Variants in KCNT2 observed in about 807,000 individuals in gnomAD.
The protein encoded by KCNT2 is potassium sodium-activated channel subfamily T member 2.
KCNT2 carries 67 observed loss-of-function variants against 153.8 expected under a neutral mutation model. The observed-to-expected ratio is 0.44, with a 90% confidence interval of 0.36 to 0.53. The LOEUF (loss-of-function observed/expected upper bound fraction) is 0.53, where lower values mean the gene tolerates loss of function less well. Ranked by LOEUF, KCNT2 falls within the 20% of genes least tolerant of loss-of-function variation. The pLI is 0.00. For missense variants in KCNT2, 975 were observed against 1,354.8 expected (o/e 0.72, Z 4.40); for synonymous variants, 500 against 458.8 (o/e 1.09, Z -1.15).
At chr1:196,395,448 C>T (rs982950089) in intron 13 of KCNT2, among the ~76,000 whole-genome samples, 4 of 151,564 alleles carry the variant, frequency 2.6e-5, no homozygotes, top group African/African-American at 9.7e-5. Context: ...CGAATAGGCA[C>T]TCAAGATATA....
chr1:196,353,797 T>C (rs1337339396), intron 14 of KCNT2, among the ~76,000 whole-genome samples: 2 of 151,992 alleles, frequency 1.3e-5, no homozygotes, highest in Non-Finnish European at 2.9e-5. Flanking sequence ...TGTATTTCAA[T>C]ACAGACCTCT....
At chr1:196,250,881 T>C (rs886529790) in intron 26 of KCNT2, among the ~76,000 whole-genome samples, 4 of 152,048 alleles carry the variant, frequency 2.6e-5, no homozygotes, top group African/African-American at 7.2e-5. Flanking sequence ...TTCCTCAATG[T>C]CACTGATCAT....
At chr1:196,246,361 T>C (rs1194805713) in intron 26 of KCNT2, among the ~76,000 whole-genome samples, 1 of 152,162 alleles carries the variant, frequency 6.6e-6, no homozygotes, top group African/African-American at 2.4e-5. Context: ...AGACCTGCTA[T>C]AAGAAATGCT....
chr1:196,401,972 T>A (rs1181011816), intron 12 of KCNT2, among the ~76,000 whole-genome samples: 2 of 151,284 alleles, frequency 1.3e-5, no homozygotes, highest in East Asian at 3.9e-4. Context: ...AGGACTCTCA[T>A]CAAAAATCCT....
intron 1 of KCNT2, among the ~76,000 whole-genome samples, chr1:196,555,778 T>C (rs1658565455): frequency 6.6e-6 from 1 of 151,244 alleles, no homozygotes; most frequent in East Asian, 1.9e-4. Context: ...CAAAACAGCA[T>C]GGTAGGTACT....
At chr1:196,431,159 C>A (rs1674116478) in intron 8 of KCNT2, among the ~76,000 whole-genome samples, 1 of 152,124 alleles carries the variant, frequency 6.6e-6, no homozygotes, top group Non-Finnish European at 1.5e-5. Context: ...ATCATGAACT[C>A]CCCTTCTTCT....
intron 14 of KCNT2, among the ~76,000 whole-genome samples, chr1:196,361,645 C>A (rs2148274806): frequency 6.6e-6 from 1 of 152,132 alleles, no homozygotes; most frequent in South Asian, 2.1e-4. Context: ...CCCCACTTTG[C>A]TGCAGTCAGA....
At chr1:196,513,512 C>T (rs1024496881) in intron 1 of KCNT2, among the ~76,000 whole-genome samples, 11 of 152,170 alleles carry the variant, frequency 7.2e-5, no homozygotes, top group African/African-American at 2.7e-4. Flanking sequence ...TTTATTTCCT[C>T]AACCAGACTT....
intron 1 of KCNT2, among the ~76,000 whole-genome samples, chr1:196,571,933 C>G (rs1387105886): frequency 1.3e-5 from 2 of 151,964 alleles, no homozygotes; most frequent in Non-Finnish European, 2.9e-5. Flanking sequence ...CTTGATTGTG[C>G]AGGTGTTAAA....
At chr1:196,267,383 C>T (rs115426048) in intron 25 of KCNT2, among the ~76,000 whole-genome samples, 1 of 152,290 alleles carries the variant, frequency 6.6e-6, no homozygotes, top group Non-Finnish European at 1.5e-5. Flanking sequence ...CTGTCAGTAT[C>T]CACAATGTTA....
At chr1:196,300,467 T>G (rs1383495651) in intron 22 of KCNT2, among the ~76,000 whole-genome samples, 2 of 152,032 alleles carry the variant, frequency 1.3e-5, no homozygotes, top group Admixed American at 6.6e-5. Context: ...GCCATAAAAT[T>G]TAGCTGACCT....
chr1:196,296,340 A>G (rs1044048229), intron 22 of KCNT2, among the ~76,000 whole-genome samples: 10 of 151,166 alleles, frequency 6.6e-5, no homozygotes, highest in African/African-American at 2.0e-4. Flanking sequence ...AAGAGTTAAC[A>G]GTAATTTAAA....
At chr1:196,378,188 A>G (rs184392556) in intron 13 of KCNT2, among the ~76,000 whole-genome samples, 4 of 152,140 alleles carry the variant, frequency 2.6e-5, no homozygotes, top group African/African-American at 9.6e-5. Flanking sequence ...AGGTTTCTCA[A>G]TTCGTGTGCC....
At chr1:196,377,988 A>G (rs536574692) in intron 13 of KCNT2, among the ~76,000 whole-genome samples, 49 of 152,246 alleles carry the variant, frequency 3.2e-4, no homozygotes, top group African/African-American at 9.4e-4. Context: ...AGTCAGGTTT[A>G]ACAAGGTTCT....
chr1:196,327,877 T>A (rs1664039636), intron 18 of KCNT2, among the ~76,000 whole-genome samples: 1 of 151,748 alleles, frequency 6.6e-6, no homozygotes, highest in Non-Finnish European at 1.5e-5. Flanking sequence ...GCTCAAGCAA[T>A]CCACCCACCT....
chr1:196,319,462 T>C (rs770852795), intron 20 of KCNT2, 22 bp downstream of exon 20: 2 of 1,577,256 alleles, frequency 1.3e-6, no homozygotes, highest in South Asian at 2.2e-5. Flanking sequence ...CTAGTTAGTG[T>C]GCCAAAGATT....
chr1:196,525,298 G>C (rs887522151), intron 1 of KCNT2, among the ~76,000 whole-genome samples: 1 of 151,810 alleles, frequency 6.6e-6, no homozygotes, highest in African/African-American at 2.4e-5. Context: ...CTGCCTTCTC[G>C]TTTCAGCTCT....
In KCNT2 at chr1:196,423,041, G is replaced by T. The variant is rs1558271394; in HGVS notation, c.1185+9C>A. The T allele has an allele frequency of 6.5e-7, 1 of 1,535,730 alleles. No homozygotes were observed. The highest frequency in any genetic ancestry group is 1.3e-5 in the South Asian group (1 of 79,028). Reference sequence around the variant, plus strand: ...GCACAACTTACTAAAAAAGATTTTAGAAACTTACAGATGATGTCCTATCCA... The same window carrying T: ...GCACAACTTACTAAAAAAGATTTTATAAACTTACAGATGATGTCCTATCCA... On this transcript the variant is annotated intron_variant, in intron 12 of 27. Coordinates refer to ENST00000294725, the MANE Select transcript of KCNT2 (RefSeq NM_198503.5).
chr1:196,323,606 A>G (rs1663547443), intron 19 of KCNT2, among the ~76,000 whole-genome samples: 2 of 151,900 alleles, frequency 1.3e-5, no homozygotes, highest in African/African-American at 4.8e-5. Flanking sequence ...ATATTTGAAA[A>G]CATTGTGAAC....
Sources: gnomAD v4.1 joint callset for allele counts (sites outside exome capture counted in the v4.1 genomes callset) on GRCh38, gnomAD v4.1.1 for gene constraint, MANE v1.5 for transcripts, NCBI Gene and HGNC (gene_info 2026-07-23, HGNC 2026-07-21) for gene names.